Variants in TPCN1 observed in about 807,000 individuals in gnomAD.
TPCN1 encodes the protein two pore channel protein 1.
Under a neutral mutation model 108.8 loss-of-function variants are expected in TPCN1, and 52 were observed. The ratio of observed to expected loss-of-function variants is 0.48; its 90% CI spans 0.38 to 0.60. The LOEUF is 0.60. TPCN1 is among the 20% of genes least tolerant of loss of function. The pLI is 0.00. For synonymous variants in TPCN1, 446 were observed against 433.7 expected (o/e 1.03, Z -0.35); for missense variants, 806 against 1,072.8 (o/e 0.75, Z 3.47).
chr12:113,231,044 ATGCAGGC>A lies in TPCN1; in HGVS notation c.112+4081_112+4087del, dbSNP rs1953668559. On this transcript the variant is annotated intron_variant, in intron 2 of 27. Coordinates refer to ENST00000335509, the MANE Select transcript of TPCN1 (RefSeq NM_017901.6). This position sits in a 1 kb window ranked among gnomAD's most constrained non-coding sequence, Gnocchi z 4.3. ...GTACTAAGGAGTTGGCAGAATGCAG[ATGCAGGC>A]CATCCGCGGAGTTGGCAACGACATG... 6.6e-6 allele frequency among the ~76,000 whole-genome samples: 1 copy of A among 152,232 alleles called. No homozygotes were observed. The highest frequency in any genetic ancestry group is 2.4e-5 in the African/African-American group (1 of 41,468).
intron 13 of TPCN1, 79 bp from the exon 14 acceptor site, chr12:113,278,693 G>A: frequency 8.4e-7 from 1 of 1,193,160 alleles, no homozygotes; most frequent in Non-Finnish European, 1.2e-6. Flanking sequence ...GAACAGGAAA[G>A]GAAGCCAGCA....
rs370700612 is a variant in TPCN1, at chr12:113,288,204, C to T, written c.1676C>T (p.Thr559Ile). 5.0e-6 allele frequency: 8 copies of T among 1,613,852 alleles called. No homozygotes were observed. Among genetic ancestry groups the T allele is most frequent in the Admixed American group, 1.7e-5 (1 of 60,000 alleles). Residue 559 changes from threonine (T) to isoleucine (I), a missense_variant, in exon 20 of 28, where the codon ACC (threonine) becomes ATC (isoleucine). Physicochemically the swap from Thr to Ile is moderately conservative, Grantham distance 89. Transcript: ENST00000335509. This position sits in a 1 kb window ranked among gnomAD's most constrained non-coding sequence, Gnocchi z 4.8. ...GAGCGCTACCGCAACGTGCTGGACACCATGTTCGAGCTGCTGCCCCGGATG... is the reference window on the plus strand; with the variant it reads ...GAGCGCTACCGCAACGTGCTGGACATCATGTTCGAGCTGCTGCCCCGGATG... ...LKERYRNVLD[T>I]MFELLPRMAS...
intron 3 of TPCN1, among the ~76,000 whole-genome samples, chr12:113,262,803 C>G (rs1163929396): frequency 6.6e-6 from 1 of 152,208 alleles, no homozygotes. Flanking sequence ...GTGATCATCT[C>G]CCACTTTACA....
At position 113,273,907 on chromosome 12, in the gene TPCN1, A is replaced by C. The variant is rs1010758460; in HGVS notation, c.942+239A>C. On this transcript the variant is annotated intron_variant, in intron 10 of 27. Coordinates refer to ENST00000335509, the MANE Select transcript of TPCN1 (RefSeq NM_017901.6). This position sits in a 1 kb window ranked among gnomAD's most constrained non-coding sequence, Gnocchi z 4.0. ...CCAAGGCAATGCTGCTGATGCTGGT[A>C]GTGCTGGATGTGAAACCCAGGCAAC... 1.3e-5 allele frequency among the ~76,000 whole-genome samples: 2 copies of C among 152,194 alleles called. No homozygotes were observed. The highest frequency in any genetic ancestry group is 1.3e-4 in the Admixed American group (2 of 15,272).
chr12:113,285,878 T>G lies in TPCN1; in HGVS notation c.1454-11T>G. 6.2e-7 allele frequency: 1 copy of G among 1,613,784 alleles called. No homozygotes were observed. The highest frequency in any genetic ancestry group is 8.5e-7 in the Non-Finnish European group (1 of 1,179,682). ...GCGGGGCTGCTGCCGATGGATTCCT[T>G]CTGTCCACAGTCTATGGGGTGGAGC... On this transcript the variant is annotated splice_polypyrimidine_tract_variant and intron_variant, in intron 17 of 27. Transcript: ENST00000335509.
chr12:113,258,252 A>G (rs1345695758), intron 2 of TPCN1, among the ~76,000 whole-genome samples: 2 of 152,180 alleles, frequency 1.3e-5, no homozygotes, highest in Non-Finnish European at 2.9e-5. Flanking sequence ...GGATCACTTG[A>G]GGTCAGGAGT....
rs1191314168 is a variant in TPCN1, at chr12:113,279,345, A to ATGTG, written c.1297+522_1297+525dup. Reference sequence around the variant, plus strand: ...TGTGTGTGTGTGTGTGTGTATATATATGTGTGTGTGTGTGTATATATATAT... The same window carrying ATGTG: ...TGTGTGTGTGTGTGTGTGTATATATATGTGTGTGTGTGTGTGTGTATATATATAT... On this transcript the variant is annotated intron_variant, in intron 14 of 27. Coordinates refer to ENST00000335509, the MANE Select transcript of TPCN1 (RefSeq NM_017901.6). 9.1e-5 allele frequency among the ~76,000 whole-genome samples: 8 copies of ATGTG among 88,322 alleles called. No individual in the cohort carries two copies. The East Asian group carries it at 1.2e-3, about 13-fold the overall frequency. The allele number at this position is 88,322 out of a possible 152,430, so 57.9% of individuals were successfully genotyped here.
chr12:113,279,387 ATATATTTTTTTTTTTTT>A (rs1368291794), intron 14 of TPCN1, among the ~76,000 whole-genome samples: 6 of 19,648 alleles, frequency 3.1e-4, no homozygotes, highest in African/African-American at 1.4e-3. Flanking sequence ...ATATATATAT[ATATATTTTTTTTTTTTT>A]TTTTTTTTTT....
At chr12:113,254,792 C>T (rs1250962456) in intron 2 of TPCN1, among the ~76,000 whole-genome samples, 1 of 152,184 alleles carries the variant, frequency 6.6e-6, no homozygotes, top group Non-Finnish European at 1.5e-5. Context: ...ATTAGGGATT[C>T]TCAAGCTGAA....
At chr12:113,293,211 A>T in intron 26 of TPCN1, 58 bp from the exon 27 acceptor site, 8 of 1,606,424 alleles carry the variant, frequency 5.0e-6, no homozygotes, top group Non-Finnish European at 6.8e-6. Context: ...CAACTGTGGC[A>T]CCAGGGGTGG....
chr12:113,260,753 C>T (rs994186504), intron 3 of TPCN1, among the ~76,000 whole-genome samples: 3 of 152,206 alleles, frequency 2.0e-5, no homozygotes, highest in African/African-American at 7.2e-5. Flanking sequence ...CTCGGCCTTC[C>T]CTGCCACCCT....
chr12:113,233,925 C>T (rs918175321), intron 2 of TPCN1, among the ~76,000 whole-genome samples: 1 of 152,160 alleles, frequency 6.6e-6, no homozygotes, highest in Non-Finnish European at 1.5e-5. Context: ...AGTATGCCCC[C>T]CTCCGTGAGG....
At chr12:113,237,793 G>T (rs572404096) in intron 2 of TPCN1, among the ~76,000 whole-genome samples, 38 of 152,336 alleles carry the variant, frequency 2.5e-4, no homozygotes, top group African/African-American at 8.9e-4. Flanking sequence ...GCGGTATTGG[G>T]CATGGAGGAA....
intron 27 of TPCN1, among the ~76,000 whole-genome samples, chr12:113,295,590 C>T (rs1299872865): frequency 6.6e-6 from 1 of 151,972 alleles, no homozygotes; most frequent in Non-Finnish European, 1.5e-5. Flanking sequence ...GCCTCGGTGT[C>T]TCGGGTGTGA....
In TPCN1 at chr12:113,273,546, C is replaced by T. The variant is rs370977283; in HGVS notation, c.843-23C>T. ...ATGGAGACAGGCAGATACAGCACGC[C>T]GGGTCACCCTCTGCAAATACAGTTT... On this transcript the variant is annotated intron_variant, in intron 9 of 27. Coordinates refer to ENST00000335509, the MANE Select transcript of TPCN1 (RefSeq NM_017901.6). The surrounding 1 kb of genome is among the most constrained non-coding windows in gnomAD (Gnocchi z 4.0). 5.0e-5 allele frequency: 80 copies of T among 1,588,210 alleles called. No homozygotes were observed. Among genetic ancestry groups the T allele is most frequent in the East Asian group, 6.7e-5 (3 of 44,732 alleles).
rs933909083 is a variant in TPCN1 at position 113,296,903 on chromosome 12, T to C, written c.*827T>C. 3 of 152,274 alleles carry C rather than the reference T, an allele frequency of 2.0e-5. No homozygotes were observed. The highest frequency in any genetic ancestry group is 1.3e-4 in the Admixed American group (2 of 15,282). The allele number at this position is 152,274 out of a possible 1,614,324, so 9.4% of individuals were successfully genotyped here. A position where few individuals can be genotyped will look rare whatever the true frequency, so the allele number is the denominator to read the frequency against. On this transcript the variant is annotated 3_prime_UTR_variant, in exon 28 of 28. Coordinates refer to ENST00000335509, the MANE Select transcript of TPCN1 (RefSeq NM_017901.6). The stretch of plus-strand genomic sequence containing the variant: ...GGGCTCTTGACCAAATCCCTTTTTT[T>C]GCGATTTACCCGTTCAAGCAAAACA...
chr12:113,277,179 G>A, intron 11 of TPCN1, 61 bp from the exon 12 acceptor site: 1 of 1,609,994 alleles, frequency 6.2e-7, no homozygotes, highest in Non-Finnish European at 8.5e-7. Flanking sequence ...TGGATCTGGA[G>A]TGGGTGCCCC....
chr12:113,234,866 CAA>C (rs1221716708), intron 2 of TPCN1, among the ~76,000 whole-genome samples: 1 of 152,108 alleles, frequency 6.6e-6, no homozygotes, highest in African/African-American at 2.4e-5. Context: ...TATTTTTAAT[CAA>C]AAGTCTTTTG....
chr12:113,251,359 A>G (rs1356547700), intron 2 of TPCN1, among the ~76,000 whole-genome samples: 1 of 152,234 alleles, frequency 6.6e-6, no homozygotes, highest in East Asian at 1.9e-4. Context: ...TAGCTTGGGC[A>G]ACATAGTGAG....
Sources: allele counts gnomAD v4.1 joint callset (sites outside exome capture counted in the v4.1 genomes callset), GRCh38; gene constraint gnomAD v4.1.1; non-coding constraint Gnocchi (gnomAD v3.1); transcripts MANE v1.5; gene names NCBI Gene and HGNC (gene_info 2026-07-23, HGNC 2026-07-21).